GPHN: variants seen among roughly 807,000 people sequenced by gnomAD.
The protein encoded by GPHN is gephyrin.
In GPHN, 17 loss-of-function variants were observed where a neutral mutation model predicts 95.5. The observed-to-expected ratio is 0.18, with a 90% confidence interval of 0.12 to 0.27. GPHN has a LOEUF of 0.27. GPHN is among the 10% of genes least tolerant of loss of function. The pLI, the probability that GPHN is intolerant of heterozygous loss-of-function variation, is 1.00. For synonymous variants in GPHN, 320 were observed against 322.5 expected, an observed-to-expected ratio of 0.99 and a Z score of 0.08; for missense variants, 660 against 978.1, an observed-to-expected ratio of 0.67 and a Z score of 4.34.
At chr14:66,897,185 G>T (rs1380777860) in intron 5 of GPHN, among the ~76,000 whole-genome samples, 5 of 151,974 alleles carry the variant, frequency 3.3e-5, no homozygotes, top group Non-Finnish European at 5.9e-5. Flanking sequence ...AATTACAGTT[G>T]GATGTTGACA....
intron 4 of GPHN, chr14:66,842,653 T>G: frequency 6.5e-7 from 1 of 1,530,308 alleles, no homozygotes; most frequent in Non-Finnish European, 8.8e-7. Flanking sequence ...AGAAATCCCT[T>G]TTCTCTTCTG....
At chr14:67,563,400 T>C in the GPHN span, among the ~76,000 whole-genome samples, 1 of 152,006 alleles carries the variant, frequency 6.6e-6, no homozygotes, top group Admixed American at 6.5e-5. Context: ...TGGCTATTTT[T>C]CTTTCTTTGT....
chr14:66,532,228 C>T (rs2058969946), intron 1 of GPHN, among the ~76,000 whole-genome samples: 1 of 152,178 alleles, frequency 6.6e-6, no homozygotes, highest in South Asian at 2.1e-4. Flanking sequence ...TAATTTGGTT[C>T]TGCTTCCGGT....
At chr14:67,392,680 G>A in the GPHN span, 10 of 1,613,966 alleles carry the variant, frequency 6.2e-6, no homozygotes, top group Non-Finnish European at 7.6e-6. Flanking sequence ...ACAGGGCTGT[G>A]GAGTCATCCA....
At chr14:67,667,902 C>A in the GPHN span, among the ~76,000 whole-genome samples, 1 of 152,026 alleles carries the variant, frequency 6.6e-6, no homozygotes, top group African/African-American at 2.4e-5. Flanking sequence ...CGAGATCGCG[C>A]CACTGCACTC....
the GPHN span, chr14:67,347,502 C>CAT: frequency 2.7e-6 from 3 of 1,112,678 alleles, no homozygotes; most frequent in Non-Finnish European, 3.8e-6. Context: ...TAAGTTCTCT[C>CAT]TTTTTTTTTT....
At chr14:66,706,217 G>A (rs145136106) in intron 2 of GPHN, among the ~76,000 whole-genome samples, 8,135 of 152,162 alleles carry the variant, frequency 0.053, 292 homozygotes, top group Non-Finnish European at 0.084. Context: ...AAACAATATC[G>A]TGAAAATGGT....
chr14:67,466,642 T>C, the GPHN span, among the ~76,000 whole-genome samples: 8 of 152,330 alleles, frequency 5.3e-5, no homozygotes, highest in South Asian at 6.2e-4. Context: ...TGTTCGGCAC[T>C]GTACCCAGCT....
chr14:67,088,395 C>A (rs1176911754), intron 11 of GPHN, among the ~76,000 whole-genome samples: 1 of 152,046 alleles, frequency 6.6e-6, no homozygotes, highest in South Asian at 2.1e-4. Flanking sequence ...TTTGACTTTG[C>A]ATGTTGTAAA....
rs539696713 is a variant in GPHN, at chr14:66,806,519, A to C, written c.202-17955A>C. Among the ~76,000 whole-genome samples the C allele has an allele frequency of 3.3e-5, 5 of 152,218 alleles. No homozygotes were observed. The South Asian group carries it at 1.0e-3, about 32-fold the overall frequency. On this transcript the variant is annotated intron_variant, in intron 3 of 22. Coordinates refer to ENST00000478722, the MANE Select transcript of GPHN (RefSeq NM_020806.5). ...CAGGCTGCAAATTTTCCAAACTTTTACACTCTGCTTCCCTTATAAAACTGA... is the reference window on the plus strand; with the variant it reads ...CAGGCTGCAAATTTTCCAAACTTTTCCACTCTGCTTCCCTTATAAAACTGA...
At chr14:67,292,698 C>G in the GPHN span, 1 of 1,613,450 alleles carries the variant, frequency 6.2e-7, no homozygotes, top group Admixed American at 1.7e-5. Context: ...TTATCTCCAA[C>G]GCACAAGATC....
At chr14:67,528,227 G>T in the GPHN span, among the ~76,000 whole-genome samples, 4 of 152,198 alleles carry the variant, frequency 2.6e-5, no homozygotes, top group African/African-American at 4.8e-5. Context: ...GCCAAGAACT[G>T]AGCTAGGTGC....
rs1463505359 is a variant in GPHN at position 67,181,269 on chromosome 14, A to G, written c.*332A>G. The G allele has an allele frequency of 2.2e-6, 1 of 450,006 alleles. No individual in the cohort carries two copies. The highest frequency in any genetic ancestry group is 2.0e-5 in the African/African-American group (1 of 51,194). The allele number at this position is 450,006 out of a possible 1,614,324, so 27.9% of individuals were successfully genotyped here. On this transcript the variant is annotated 3_prime_UTR_variant, in exon 23 of 23. Transcript: ENST00000478722. ...AACTTGTGTTTTTCTCATCTTTAAA[A>G]TACAACTACTTATGCTCTTAAATCA...
chr14:66,814,141 C>G (rs2060871715), intron 3 of GPHN, among the ~76,000 whole-genome samples: 2 of 152,148 alleles, frequency 1.3e-5, no homozygotes, highest in Admixed American at 6.5e-5. Flanking sequence ...TTGGTAAGCA[C>G]AGAGCTGGCA....
chr14:66,761,146 A>C, intron 2 of GPHN: 1 of 337,314 alleles, frequency 3.0e-6, no homozygotes, highest in Non-Finnish European at 5.7e-6. Flanking sequence ...TCTTTCCTAC[A>C]TTTCCATCTA....
At chr14:67,116,888 G>T (rs377196630) in intron 16 of GPHN, among the ~76,000 whole-genome samples, 1 of 152,292 alleles carries the variant, frequency 6.6e-6, no homozygotes, top group African/African-American at 2.4e-5. Flanking sequence ...TTAACGATCA[G>T]TTAAACCTTT....
intron 1 of GPHN, among the ~76,000 whole-genome samples, chr14:66,521,388 A>G (rs1433934530): frequency 6.6e-6 from 1 of 152,130 alleles, no homozygotes; most frequent in Non-Finnish European, 1.5e-5. Flanking sequence ...TCTGTATCAC[A>G]TATCCATCCT....
chr14:67,652,572 G>C, the GPHN span: 1 of 152,248 alleles, frequency 6.6e-6, no homozygotes, highest in African/African-American at 2.4e-5. Context: ...CAATGCTCAT[G>C]GTCCTCTGGG....
chr14:67,193,290 ACATC>A, the GPHN span, among the ~76,000 whole-genome samples: 1 of 135,882 alleles, frequency 7.4e-6, no homozygotes, highest in Admixed American at 7.5e-5. Flanking sequence ...CTCTATATAG[ACATC>A]TATCTATATA....
Sources: allele counts gnomAD v4.1 joint callset (sites outside exome capture counted in the v4.1 genomes callset), GRCh38; gene constraint gnomAD v4.1.1; transcripts MANE v1.5; gene names NCBI Gene and HGNC (gene_info 2026-07-23, HGNC 2026-07-21).